Variants in RNF212B observed in about 807,000 individuals in gnomAD.
RNF212B encodes the protein E3 ubiquitin-protein ligase RNF212B.
In RNF212B, 52 loss-of-function variants were observed where a neutral mutation model predicts 55.5. That is an observed-to-expected ratio of 0.94 (90% CI 0.75 to 1.18). The LOEUF (loss-of-function observed/expected upper bound fraction) is 1.18. Ranked by LOEUF, RNF212B falls within the 50% of genes most tolerant of loss-of-function variation. The probability of loss-of-function intolerance (pLI) is 0.00; values close to 1 mark genes in which losing one functional copy is unlikely to be tolerated. For synonymous variants in RNF212B, 99 were observed against 121.4 expected (o/e 0.82, Z 1.21); for missense variants, 289 against 350.4 (o/e 0.82, Z 1.40).
chr14:23,252,797 C>T (rs1289612755), intron 4 of RNF212B, among the ~76,000 whole-genome samples: 1 of 152,072 alleles, frequency 6.6e-6, no homozygotes, highest in African/African-American at 2.4e-5. Flanking sequence ...TCTTAAGCAA[C>T]TTTTAAGCAA....
chr14:23,246,957 A>G (rs907529188), intron 4 of RNF212B, among the ~76,000 whole-genome samples: 14 of 152,122 alleles, frequency 9.2e-5, no homozygotes, highest in African/African-American at 3.4e-4. Context: ...CCTGACCAAC[A>G]TGGAGAAACC....
At chr14:23,236,959 CTCTTTTTT>C (rs1352858546), upstream of RNF212B, among the ~76,000 whole-genome samples, 2 of 139,122 alleles carry the variant, frequency 1.4e-5, no homozygotes, top group East Asian at 2.0e-4. Context: ...TTCTGTCTCT[CTCTTTTTT>C]TTTTTTTTTT....
At position 23,242,493 on chromosome 14, in the gene RNF212B, G is replaced by T. The variant is rs371594956; in HGVS notation, c.101-763G>T. 4.6e-5 allele frequency among the ~76,000 whole-genome samples: 7 copies of T among 152,284 alleles called. No homozygotes were observed. In the East Asian group the frequency reaches 1.3e-3, roughly 29 times the overall value. ...TGATGACAAGGTAGGCATAACTGGGGACTTTCTTACAGTGCCCAATGTGTG... is the reference window on the plus strand; with the variant it reads ...TGATGACAAGGTAGGCATAACTGGGTACTTTCTTACAGTGCCCAATGTGTG... On this transcript the variant is annotated intron_variant, in intron 2 of 14. Coordinates refer to ENST00000430154, the MANE Select transcript of RNF212B (RefSeq NM_001282322.3).
At chr14:23,208,975 G>C (rs545194687) in intron 2 of RNF212B, among the ~76,000 whole-genome samples, 3 of 151,720 alleles carry the variant, frequency 2.0e-5, no homozygotes, top group East Asian at 1.9e-4. Context: ...AGCCGGGATG[G>C]TCTCGATCTC....
intron 2 of RNF212B, among the ~76,000 whole-genome samples, chr14:23,208,980 G>A (rs368761633): frequency 4.5e-4 from 68 of 151,778 alleles, no homozygotes; most frequent in South Asian, 2.3e-3. Flanking sequence ...GGATGGTCTC[G>A]ATCTCCTGAC....
chr14:23,224,234 T>TC (rs1295491552), intron 2 of RNF212B, among the ~76,000 whole-genome samples: 1 of 141,766 alleles, frequency 7.1e-6, no homozygotes, highest in Non-Finnish European at 1.6e-5. Context: ...ATATAGAATG[T>TC]CAAAAAAAAA....
In RNF212B at chr14:23,260,644, T is replaced by G; in HGVS notation, c.406-15T>G. The G allele has an allele frequency of 6.5e-7, 1 of 1,550,164 alleles. No individual in the cohort carries two copies. Among genetic ancestry groups the G allele is most frequent in the Non-Finnish European group, 8.7e-7 (1 of 1,146,686 alleles). Reference sequence around the variant, plus strand: ...CAGTTGCAGCTTTCTTCACTCCTGGTTTTTTCACCTATAGGAATCTCCAAG... The same window carrying G: ...CAGTTGCAGCTTTCTTCACTCCTGGGTTTTTCACCTATAGGAATCTCCAAG... On this transcript the variant is annotated splice_polypyrimidine_tract_variant and intron_variant, in intron 6 of 14. Transcript: ENST00000430154.
At chr14:23,207,412 GT>G (rs1879954326) in intron 2 of RNF212B, among the ~76,000 whole-genome samples, 1 of 152,114 alleles carries the variant, frequency 6.6e-6, no homozygotes, top group Non-Finnish European at 1.5e-5. Context: ...GCCTTTCATC[GT>G]CATGGAAGGA....
chr14:23,260,625 C>T, intron 6 of RNF212B, 34 bp from the exon 7 acceptor site: 1 of 1,548,194 alleles, frequency 6.5e-7, no homozygotes, highest in Non-Finnish European at 8.7e-7. Context: ...TCCTCAGTTG[C>T]AGCTTTCTTC....
At chr14:23,246,702 A>G (rs535882067) in intron 4 of RNF212B, among the ~76,000 whole-genome samples, 2 of 152,322 alleles carry the variant, frequency 1.3e-5, no homozygotes, top group East Asian at 3.9e-4. Context: ...TGCCAGGATT[A>G]CAGGTGTGAG....
chr14:23,213,185 C>CAT (rs1880711817), intron 2 of RNF212B, among the ~76,000 whole-genome samples: 2 of 151,718 alleles, frequency 1.3e-5, no homozygotes, highest in Admixed American at 1.3e-4. Context: ...TGGTGGCAGG[C>CAT]GCCTGTAGTC....
intron 1 of RNF212B, among the ~76,000 whole-genome samples, chr14:23,239,262 G>A (rs964515809): frequency 3.0e-4 from 45 of 152,242 alleles, no homozygotes; most frequent in African/African-American, 1.0e-3. Context: ...GTTTTGCCAC[G>A]TTGGCCAGGC....
intron 2 of RNF212B, among the ~76,000 whole-genome samples, chr14:23,229,786 T>C (rs1203661014): frequency 1.3e-5 from 2 of 152,216 alleles, no homozygotes; most frequent in Admixed American, 6.5e-5. Flanking sequence ...AGTTCTCACA[T>C]ATTTATTACT....
chr14:23,265,173 T>TA (rs1326205141), intron 11 of RNF212B, among the ~76,000 whole-genome samples: 24 of 152,130 alleles, frequency 1.6e-4, no homozygotes, highest in African/African-American at 5.6e-4. Context: ...AAGGGGAAAA[T>TA]AAAGATTTGA....
At chr14:23,231,485 G>T (rs1416083945) in intron 2 of RNF212B, among the ~76,000 whole-genome samples, 1 of 152,150 alleles carries the variant, frequency 6.6e-6, no homozygotes, top group Non-Finnish European at 1.5e-5. Flanking sequence ...TAACTCAAAT[G>T]AATCATATAC....
intron 2 of RNF212B, among the ~76,000 whole-genome samples, chr14:23,226,027 C>T (rs540458734): frequency 3.9e-5 from 6 of 152,052 alleles, no homozygotes; most frequent in Non-Finnish European, 8.8e-5. Context: ...CGGCTGGGCG[C>T]GGTGGCTCAC....
intron 2 of RNF212B, among the ~76,000 whole-genome samples, chr14:23,211,967 A>G (rs1463466948): frequency 1.3e-5 from 2 of 152,208 alleles, no homozygotes; most frequent in African/African-American, 4.8e-5. Flanking sequence ...ACCTCAAGTT[A>G]TCTGCCCTCC....
intron 4 of RNF212B, among the ~76,000 whole-genome samples, chr14:23,246,984 T>TA (rs1295470776): frequency 6.6e-6 from 1 of 151,834 alleles, no homozygotes; most frequent in Non-Finnish European, 1.5e-5. Context: ...CTACTAAAAA[T>TA]AAAAAATTAG....
At chr14:23,189,153 C>T (rs1420933273) in intron 1 of RNF212B, among the ~76,000 whole-genome samples, 3 of 152,146 alleles carry the variant, frequency 2.0e-5, no homozygotes, top group Non-Finnish European at 2.9e-5. Context: ...ATTACCTGCT[C>T]CTCTCTTCAA....
Sources: allele counts gnomAD v4.1 joint callset (sites outside exome capture counted in the v4.1 genomes callset), GRCh38; gene constraint gnomAD v4.1.1; transcripts MANE v1.5; gene names NCBI Gene and HGNC (gene_info 2026-07-23, HGNC 2026-07-21).